The following HVCN1 variants were observed in gnomAD, a reference collection of about 807,000 sequenced individuals.
HVCN1 encodes the protein voltage-gated hydrogen channel 1.
In HVCN1, 14 loss-of-function variants were observed where a neutral mutation model predicts 29.2. The observed-to-expected ratio is 0.48, with a 90% CI of 0.32 to 0.75. The LOEUF (loss-of-function observed/expected upper bound fraction) is 0.75, where lower values mean the gene tolerates loss of function less well. Ranked by LOEUF, HVCN1 falls within the 30% of genes least tolerant of loss-of-function variation. HVCN1 has a pLI of 0.04. For synonymous variants in HVCN1, 131 were observed against 133.2 expected (o/e 0.98, Z 0.11); for missense variants, 263 against 341.8 (o/e 0.77, Z 1.82).
intron 3 of HVCN1, among the ~76,000 whole-genome samples, chr12:110,669,022 G>T (rs868466349): frequency 4.6e-5 from 7 of 151,936 alleles, no homozygotes; most frequent in Admixed American, 1.3e-4. Context: ...CCTTAGCACA[G>T]CTGTGTTCTC....
chr12:110,701,642 G>T (rs759416872), intron 2 of HVCN1, among the ~76,000 whole-genome samples: 13 of 151,948 alleles, frequency 8.6e-5, no homozygotes, highest in Non-Finnish European at 1.8e-4. Context: ...AGATCACTTG[G>T]GGTCAGGAGT....
chr12:110,673,353 C>T lies in HVCN1; in HGVS notation c.21+9872G>A, dbSNP rs1178927327. On this transcript the variant is annotated intron_variant, in intron 3 of 7. Transcript: ENST00000242607. ...AGAAATTTCTAAGCAGCAAAGCATT[C>T]AATGCCTGCTGTTAAAGGCATTCAG... Among the ~76,000 whole-genome samples the T allele has an allele frequency of 3.3e-5, 5 of 152,126 alleles. No individual in the cohort carries two copies. The East Asian group carries it at 9.6e-4, about 29-fold the overall frequency.
chr12:110,663,668 C>T (rs561781073), intron 3 of HVCN1, among the ~76,000 whole-genome samples: 2 of 148,232 alleles, frequency 1.3e-5, no homozygotes, highest in South Asian at 4.3e-4. Flanking sequence ...AATGAATATT[C>T]TCTGTTCATG....
intron 3 of HVCN1, among the ~76,000 whole-genome samples, chr12:110,665,961 G>T (rs2068332408): frequency 6.8e-6 from 1 of 146,714 alleles, no homozygotes; most frequent in South Asian, 2.2e-4. Context: ...AGCCGAGATT[G>T]CACCATTGCA....
intron 3 of HVCN1, among the ~76,000 whole-genome samples, chr12:110,670,879 G>A (rs2068552683): frequency 6.6e-6 from 1 of 152,148 alleles, no homozygotes; most frequent in Non-Finnish European, 1.5e-5. Flanking sequence ...CCTAAATCTG[G>A]TGATTGGTGT....
chr12:110,690,545 TGGCTTACTG>T (rs2069381360), upstream of HVCN1, among the ~76,000 whole-genome samples: 1 of 152,106 alleles, frequency 6.6e-6, no homozygotes, highest in Non-Finnish European at 1.5e-5. Context: ...GGTGCGATCT[TGGCTTACTG>T]CAACCTCCGC....
At chr12:110,698,527 C>G (rs527586136) in intron 2 of HVCN1, among the ~76,000 whole-genome samples, 9 of 152,184 alleles carry the variant, frequency 5.9e-5, no homozygotes, top group Admixed American at 5.9e-4. Context: ...GGAGCAGAGC[C>G]GAGGTGGGAG....
chr12:110,652,008 A>T (rs897838547), intron 5 of HVCN1, among the ~76,000 whole-genome samples: 5 of 152,356 alleles, frequency 3.3e-5, no homozygotes, highest in African/African-American at 9.6e-5. Context: ...TCTCTAAAAT[A>T]ACTGAATGAA....
intron 3 of HVCN1, among the ~76,000 whole-genome samples, chr12:110,670,461 G>A (rs1317251918): frequency 6.6e-6 from 1 of 152,156 alleles, no homozygotes; most frequent in Non-Finnish European, 1.5e-5. Context: ...GTATTACTAT[G>A]GTTGCTTATT....
chr12:110,655,373 A>AC (rs1399106360), intron 4 of HVCN1, 35 bp from the exon 5 acceptor site: 1 of 1,504,882 alleles, frequency 6.6e-7, no homozygotes, highest in Non-Finnish European at 9.2e-7. Context: ...AGATCATGAG[A>AC]CCCCCACAGA....
intron 2 of HVCN1, among the ~76,000 whole-genome samples, chr12:110,684,595 A>T (rs1180149443): frequency 6.6e-6 from 1 of 152,090 alleles, no homozygotes; most frequent in Non-Finnish European, 1.5e-5. Flanking sequence ...AGAAATACAG[A>T]TGCTTTTTTT....
intron 2 of HVCN1, among the ~76,000 whole-genome samples, chr12:110,698,770 G>T (rs113300915): frequency 9.9e-4 from 151 of 152,292 alleles, no homozygotes; most frequent in African/African-American, 3.4e-3. Context: ...CCCTCCTTCC[G>T]TTTTTGAGAG....
intron 2 of HVCN1, among the ~76,000 whole-genome samples, chr12:110,697,634 C>T (rs2069513015): frequency 6.6e-6 from 1 of 151,382 alleles, no homozygotes; most frequent in Admixed American, 6.6e-5. Context: ...ATATGCCACT[C>T]ACAGCGCGAA....
Position 110,649,518 on chromosome 12 carries a change from C to T in HVCN1, c.757-43G>A, listed in dbSNP as rs188155322. 1.1e-4 allele frequency: 154 copies of T among 1,433,884 alleles called. 1 individual carries two copies. Among genetic ancestry groups the T allele is most frequent in the Middle Eastern group, 1.0e-3 (6 of 5,752 alleles). The allele number at this position is 1,433,884 out of a possible 1,614,324, so 88.8% of individuals were successfully genotyped here. A position where few individuals can be genotyped will look rare whatever the true frequency, so the allele number is the denominator to read the frequency against. ...AAACACTGGAATTTACTTTGAGCCT[C>T]GCCAGGGATGTGACAATCAATCATT... On this transcript the variant is annotated intron_variant, in intron 7 of 7. Transcript: ENST00000242607.
intron 4 of HVCN1, among the ~76,000 whole-genome samples, chr12:110,657,538 A>G (rs2068031376): frequency 6.6e-6 from 1 of 152,112 alleles, no homozygotes; most frequent in African/African-American, 2.4e-5. Context: ...ATGCTCTGGA[A>G]CTAGATAGTG....
chr12:110,695,499 T>C (rs905045153), intron 2 of HVCN1, among the ~76,000 whole-genome samples: 3 of 151,746 alleles, frequency 2.0e-5, no homozygotes, highest in African/African-American at 7.3e-5. Context: ...AAGGCTGCAG[T>C]GAGATGTGAT....
Position 110,655,312 on chromosome 12 carries a change from C to G in HVCN1, c.333G>C (p.Leu111=). The change falls in exon 5 of 8, where the codon CTG becomes CTC. Residue 111 remains leucine, a synonymous_variant. Transcript: ENST00000242607. Reference sequence around the variant, plus strand: ...GCTCAGCAAGCACCAGGAGGGCATCCAGAACCACCAAGCAGATGATGATGA... The same window carrying G: ...GCTCAGCAAGCACCAGGAGGGCATCGAGAACCACCAAGCAGATGATGATGA... ...FQVIIICLVV[L]DALLVLAELI... The G allele has an allele frequency of 5.6e-6, 9 of 1,613,866 alleles. No homozygotes were observed. The highest frequency in any genetic ancestry group is 7.6e-6 in the Non-Finnish European group (9 of 1,179,922).
chr12:110,687,582 G>C (rs947847797), intron 2 of HVCN1, among the ~76,000 whole-genome samples: 2 of 152,122 alleles, frequency 1.3e-5, no homozygotes, highest in African/African-American at 4.8e-5. Flanking sequence ...GCGATGCTGG[G>C]GATTTGGATG....
intron 3 of HVCN1, among the ~76,000 whole-genome samples, chr12:110,669,437 C>T (rs1423358092): frequency 6.6e-6 from 1 of 152,156 alleles, no homozygotes; most frequent in Non-Finnish European, 1.5e-5. Context: ...CTCTTGGCTT[C>T]CCCAGGCCCT....
Sources: gnomAD v4.1 joint callset for allele counts (sites outside exome capture counted in the v4.1 genomes callset) on GRCh38, gnomAD v4.1.1 for gene constraint, MANE v1.5 for transcripts, NCBI Gene and HGNC (gene_info 2026-07-23, HGNC 2026-07-21) for gene names.